NTNG1: variants seen among roughly 807,000 people sequenced by gnomAD.
The protein encoded by NTNG1 is netrin G1.
In NTNG1, 16 loss-of-function variants were observed where a neutral mutation model predicts 54.0. The ratio of observed to expected loss-of-function variants is 0.30; its 90% confidence interval spans 0.20 to 0.45. The LOEUF (loss-of-function observed/expected upper bound fraction) is 0.45. Among genes scored for constraint, NTNG1 ranks in the 20% least tolerant of loss-of-function variants. The pLI, the probability that NTNG1 is intolerant of heterozygous loss-of-function variation, is 1.00. For missense variants in NTNG1, 530 were observed against 678.7 expected (o/e 0.78, Z 2.43); for synonymous variants, 255 against 263.1 (o/e 0.97, Z 0.30).
chr1:107,418,605 G>A, intron 5 of NTNG1: 2 of 1,603,944 alleles, frequency 1.2e-6, no homozygotes, highest in Non-Finnish European at 1.7e-6. Flanking sequence ...ATAGGATATG[G>A]CCGAATATTT....
chr1:107,342,096 G>A (rs1042795226), intron 3 of NTNG1, among the ~76,000 whole-genome samples: 2 of 152,002 alleles, frequency 1.3e-5, no homozygotes, highest in African/African-American at 2.4e-5. Flanking sequence ...TTGTTTAGTA[G>A]TCGTATTTTA....
chr1:107,302,509 T>C (rs1392959745), intron 2 of NTNG1, among the ~76,000 whole-genome samples: 1 of 152,010 alleles, frequency 6.6e-6, no homozygotes, highest in Admixed American at 6.6e-5. Flanking sequence ...CTTGGGCCTG[T>C]TTTACAATTC....
intron 2 of NTNG1, among the ~76,000 whole-genome samples, chr1:107,239,955 A>G (rs1394166845): frequency 1.3e-5 from 2 of 152,216 alleles, no homozygotes; most frequent in Non-Finnish European, 2.9e-5. Flanking sequence ...AAACACACAG[A>G]TCATCAGTTA....
chr1:107,306,089 T>G (rs2101820379), intron 2 of NTNG1, among the ~76,000 whole-genome samples: 1 of 152,340 alleles, frequency 6.6e-6, no homozygotes, highest in South Asian at 2.1e-4. Context: ...ATTTGCCTAA[T>G]TATTGTTTCT....
At chr1:107,262,929 T>C (rs1382491241) in intron 2 of NTNG1, among the ~76,000 whole-genome samples, 1 of 152,182 alleles carries the variant, frequency 6.6e-6, no homozygotes, top group African/African-American at 2.4e-5. Flanking sequence ...TGAACCACCA[T>C]AGTGATGACT....
chr1:107,443,708 C>T (rs565931525), intron 7 of NTNG1, among the ~76,000 whole-genome samples: 1 of 152,272 alleles, frequency 6.6e-6, no homozygotes, highest in South Asian at 2.1e-4. Context: ...AGTTGCTAAA[C>T]ATATGATTTC....
chr1:107,195,940 A>G (rs1658285519), intron 2 of NTNG1, among the ~76,000 whole-genome samples: 2 of 151,902 alleles, frequency 1.3e-5, no homozygotes, highest in African/African-American at 4.8e-5. Context: ...AGCATTTACC[A>G]GTCTCTAAAC....
At chr1:107,172,774 C>T (rs1404319910) in intron 2 of NTNG1, among the ~76,000 whole-genome samples, 2 of 152,042 alleles carry the variant, frequency 1.3e-5, no homozygotes, top group Non-Finnish European at 2.9e-5. Context: ...TAGGGACTCT[C>T]ATAAATAGAA....
intron 2 of NTNG1, among the ~76,000 whole-genome samples, chr1:107,172,828 T>C (rs1656352404): frequency 6.6e-6 from 1 of 152,186 alleles, no homozygotes; most frequent in African/African-American, 2.4e-5. Flanking sequence ...AACTGGCATT[T>C]TTCGAGCAAT....
At chr1:107,199,906 C>T (rs563549044) in intron 2 of NTNG1, among the ~76,000 whole-genome samples, 3 of 151,946 alleles carry the variant, frequency 2.0e-5, no homozygotes, top group Non-Finnish European at 2.9e-5. Context: ...TTTTATCAAT[C>T]AGTAACCTTC....
At chr1:107,221,072 G>T (rs1660309700) in intron 2 of NTNG1, among the ~76,000 whole-genome samples, 1 of 151,962 alleles carries the variant, frequency 6.6e-6, no homozygotes, top group Non-Finnish European at 1.5e-5. Context: ...TACATTATAG[G>T]GCTATTGTGT....
intron 3 of NTNG1, among the ~76,000 whole-genome samples, chr1:107,388,404 T>C (rs1468535109): frequency 1.3e-5 from 2 of 152,170 alleles, no homozygotes; most frequent in African/African-American, 4.8e-5. Context: ...CCCTCTGCAG[T>C]TGTAAGAGCA....
At chr1:107,215,031 T>G (rs1280770064) in intron 2 of NTNG1, among the ~76,000 whole-genome samples, 2 of 152,088 alleles carry the variant, frequency 1.3e-5, no homozygotes, top group Non-Finnish European at 2.9e-5. Context: ...TGGATATTAG[T>G]CCTTTGTCTG....
intron 3 of NTNG1, among the ~76,000 whole-genome samples, chr1:107,386,912 T>G (rs1672036962): frequency 6.6e-6 from 1 of 152,246 alleles, no homozygotes; most frequent in Non-Finnish European, 1.5e-5. Flanking sequence ...GCAGCATTTG[T>G]TATCATCCAT....
At chr1:107,464,921 G>A (rs574057883) in intron 7 of NTNG1, among the ~76,000 whole-genome samples, 1 of 152,234 alleles carries the variant, frequency 6.6e-6, no homozygotes, top group East Asian at 1.9e-4. Context: ...GGAAGGATGG[G>A]CCCCACGTCT....
intron 2 of NTNG1, among the ~76,000 whole-genome samples, chr1:107,188,491 C>A (rs181052933): frequency 1.9e-3 from 290 of 152,240 alleles, no homozygotes; most frequent in African/African-American, 6.6e-3. Flanking sequence ...ACTGAAAGCT[C>A]CAGAATCCAG....
chr1:107,384,753 C>A (rs1405079514), intron 3 of NTNG1, among the ~76,000 whole-genome samples: 1 of 152,222 alleles, frequency 6.6e-6, no homozygotes, highest in Non-Finnish European at 1.5e-5. Context: ...AATGCCCCTT[C>A]TTTCATGTAT....
chr1:107,260,026 A>G (rs1448062126), intron 2 of NTNG1, among the ~76,000 whole-genome samples: 1 of 152,180 alleles, frequency 6.6e-6, no homozygotes, highest in African/African-American at 2.4e-5. Context: ...CTTCATTTGA[A>G]TGCAAATTAT....
rs555088773 is a variant in NTNG1 at position 107,142,108 on chromosome 1, A to G, written c.-526+968A>G. Reference sequence around the variant, plus strand: ...TTCTCTCATATTCTTTACTGGCATCATATTAATCGGTTGATGGATTCGGCT... The same window carrying G: ...TTCTCTCATATTCTTTACTGGCATCGTATTAATCGGTTGATGGATTCGGCT... On this transcript the variant is annotated intron_variant, in intron 1 of 7. Coordinates refer to ENST00000370068, the MANE Select transcript of NTNG1 (RefSeq NM_001113226.3). 8.5e-5 allele frequency among the ~76,000 whole-genome samples: 13 copies of G among 152,286 alleles called. No individual in the cohort carries two copies. The South Asian group carries it at 1.5e-3, about 17-fold the overall frequency.
Sources: gnomAD v4.1 joint callset for allele counts (sites outside exome capture counted in the v4.1 genomes callset) on GRCh38, gnomAD v4.1.1 for gene constraint, MANE v1.5 for transcripts, NCBI Gene and HGNC (gene_info 2026-07-23, HGNC 2026-07-21) for gene names.